Variants in KIAA1328 observed in about 807,000 individuals in gnomAD.
The protein encoded by KIAA1328 is protein hinderin.
A neutral mutation model predicts 68.1 loss-of-function variants in KIAA1328; 52 were observed. That is an observed-to-expected ratio of 0.76 (90% CI 0.61 to 0.96). The LOEUF (loss-of-function observed/expected upper bound fraction) is 0.96, where lower values mean the gene tolerates loss of function less well. Ranked by LOEUF, KIAA1328 falls within the 40% of genes least tolerant of loss-of-function variation. The pLI, the probability that KIAA1328 is intolerant of heterozygous loss-of-function variation, is 0.00. For missense variants in KIAA1328, 641 were observed against 677.6 expected, an observed-to-expected ratio of 0.95 and a Z score of 0.60; for synonymous variants, 232 against 239.4, an observed-to-expected ratio of 0.97 and a Z score of 0.28.
chr18:37,097,669 T>C (rs970221659), intron 7 of KIAA1328, among the ~76,000 whole-genome samples: 18 of 152,204 alleles, frequency 1.2e-4, no homozygotes, highest in African/African-American at 2.9e-4. Flanking sequence ...TTGGGCAGTG[T>C]GGCCATTTTC....
intron 8 of KIAA1328, among the ~76,000 whole-genome samples, chr18:37,160,635 C>T (rs1445301790): frequency 1.3e-5 from 2 of 152,132 alleles, no homozygotes; most frequent in Non-Finnish European, 2.9e-5. Flanking sequence ...AAGAATTAGT[C>T]AGCAGTAAGT....
chr18:37,057,895 A>G (rs1374470764), intron 6 of KIAA1328, among the ~76,000 whole-genome samples: 1 of 152,170 alleles, frequency 6.6e-6, no homozygotes, highest in East Asian at 1.9e-4. Flanking sequence ...TATTTATTGT[A>G]TGGCCCTTTA....
At chr18:36,879,680 A>G (rs2048265249) in intron 4 of KIAA1328, among the ~76,000 whole-genome samples, 1 of 152,212 alleles carries the variant, frequency 6.6e-6, no homozygotes, top group Non-Finnish European at 1.5e-5. Context: ...AGTTTTATCT[A>G]TAAGTCCCTG....
At chr18:37,085,310 T>C (rs770011426) in intron 7 of KIAA1328, among the ~76,000 whole-genome samples, 1 of 152,162 alleles carries the variant, frequency 6.6e-6, no homozygotes, top group Non-Finnish European at 1.5e-5. Flanking sequence ...CTCTCTTCCC[T>C]GCCCAAACAG....
At chr18:37,051,762 G>A (rs752843616) in intron 6 of KIAA1328, among the ~76,000 whole-genome samples, 43 of 152,152 alleles carry the variant, frequency 2.8e-4, no homozygotes, top group Non-Finnish European at 4.9e-4. Flanking sequence ...CTACAGGCCA[G>A]GCTGGGTGCA....
chr18:37,017,713 A>G (rs2054200844), intron 6 of KIAA1328, among the ~76,000 whole-genome samples: 1 of 152,100 alleles, frequency 6.6e-6, no homozygotes, highest in Admixed American at 6.5e-5. Context: ...TTGTTATAGA[A>G]TGCCTTTCTG....
chr18:36,909,663 C>T (rs2049357504), intron 5 of KIAA1328, among the ~76,000 whole-genome samples: 1 of 152,130 alleles, frequency 6.6e-6, no homozygotes, highest in Non-Finnish European at 1.5e-5. Context: ...AATGGGTTGG[C>T]AGGGTCAAAT....
chr18:37,032,279 G>T (rs1224810236), intron 6 of KIAA1328, among the ~76,000 whole-genome samples: 1 of 152,140 alleles, frequency 6.6e-6, no homozygotes, highest in East Asian at 1.9e-4. Context: ...ACTTCCATTT[G>T]TTCTGTTATT....
intron 8 of KIAA1328, among the ~76,000 whole-genome samples, chr18:37,166,537 C>T (rs1375583776): frequency 6.6e-6 from 1 of 152,054 alleles, no homozygotes; most frequent in Non-Finnish European, 1.5e-5. Flanking sequence ...ATTGGGTGCC[C>T]CTGCCCTCCC....
intron 5 of KIAA1328, among the ~76,000 whole-genome samples, chr18:36,950,648 A>T (rs1414400590): frequency 6.6e-6 from 1 of 152,192 alleles, no homozygotes; most frequent in East Asian, 1.9e-4. Context: ...AAGGGCGGGC[A>T]AAACATTCTA....
At chr18:37,066,096 C>A (rs770518607) in intron 6 of KIAA1328, among the ~76,000 whole-genome samples, 12 of 152,232 alleles carry the variant, frequency 7.9e-5, no homozygotes, top group Admixed American at 6.5e-5. Context: ...AAGCACCCTT[C>A]AGTTTATTCT....
At position 37,214,170 on chromosome 18, in the gene KIAA1328, T is replaced by A. The variant is rs192086771; in HGVS notation, c.1524-7847T>A. Among the ~76,000 whole-genome samples the A allele has an allele frequency of 6.6e-3, 1,008 of 152,276 alleles. 7 individuals carry two copies. Among genetic ancestry groups the A allele is most frequent in the African/African-American group, 0.023 (959 of 41,566 alleles). On this transcript the variant is annotated intron_variant, in intron 9 of 9. Coordinates refer to ENST00000280020, the MANE Select transcript of KIAA1328 (RefSeq NM_020776.3). ...TCAGTTTAATTAGATCCCATTTGTC[T>A]ATTTTGGCTTTTGTTGCCATTGCTT...
intron 5 of KIAA1328, among the ~76,000 whole-genome samples, chr18:36,910,715 G>C (rs1374195181): frequency 1.3e-5 from 2 of 152,150 alleles, no homozygotes; most frequent in African/African-American, 4.8e-5. Context: ...ACCTTGGGCA[G>C]TATGGCCATT....
At chr18:37,104,581 C>T (rs995378325) in intron 7 of KIAA1328, among the ~76,000 whole-genome samples, 10 of 152,062 alleles carry the variant, frequency 6.6e-5, no homozygotes, top group Non-Finnish European at 1.5e-4. Context: ...TTCTAGCATT[C>T]GATAGCACAG....
intron 7 of KIAA1328, among the ~76,000 whole-genome samples, chr18:37,144,011 T>G (rs2058839900): frequency 6.6e-6 from 1 of 152,170 alleles, no homozygotes; most frequent in Non-Finnish European, 1.5e-5. Flanking sequence ...TATTTCTTTC[T>G]TATATGTGAT....
At chr18:36,956,238 T>C (rs1241868931) in intron 5 of KIAA1328, among the ~76,000 whole-genome samples, 1 of 152,226 alleles carries the variant, frequency 6.6e-6, no homozygotes, top group Non-Finnish European at 1.5e-5. Context: ...TTGTGCTACC[T>C]CATGAAGACT....
intron 7 of KIAA1328, among the ~76,000 whole-genome samples, chr18:37,144,635 C>A (rs1159643603): frequency 6.6e-6 from 1 of 151,960 alleles, no homozygotes; most frequent in African/African-American, 2.4e-5. Context: ...CTCAGGTGGT[C>A]CTTCCACCTC....
At chr18:37,024,928 T>A (rs1010192109) in intron 6 of KIAA1328, among the ~76,000 whole-genome samples, 1 of 152,164 alleles carries the variant, frequency 6.6e-6, no homozygotes, top group Non-Finnish European at 1.5e-5. Flanking sequence ...GTATTCCTAG[T>A]TCTAGATCCC....
At chr18:37,037,631 C>T (rs1211448432) in intron 6 of KIAA1328, among the ~76,000 whole-genome samples, 2 of 152,164 alleles carry the variant, frequency 1.3e-5, no homozygotes, top group Non-Finnish European at 2.9e-5. Context: ...CGCCTGTAAT[C>T]CCAGCACTTT....
Sources: allele counts gnomAD v4.1 joint callset (sites outside exome capture counted in the v4.1 genomes callset), GRCh38; gene constraint gnomAD v4.1.1; transcripts MANE v1.5; gene names NCBI Gene and HGNC (gene_info 2026-07-23, HGNC 2026-07-21).